TENM4: variants seen among roughly 807,000 people sequenced by gnomAD.
The protein encoded by TENM4 is teneurin transmembrane protein 4.
A neutral mutation model predicts 243.3 loss-of-function variants in TENM4; 82 were observed. That is an observed-to-expected ratio of 0.34 (90% CI 0.28 to 0.40). The LOEUF (loss-of-function observed/expected upper bound fraction) is 0.40. Ranked by LOEUF, TENM4 falls within the 10% of genes least tolerant of loss-of-function variation. The pLI is 1.00. For synonymous variants in TENM4, 1,412 were observed against 1,456.3 expected (o/e 0.97, Z 0.69); for missense variants, 3,138 against 3,673.3 (o/e 0.85, Z 3.77).
At position 79,125,853 on chromosome 11, in the gene TENM4, A is replaced by G. The variant is rs527242059; in HGVS notation, c.-66+22857T>C. ...CTTCTAGACCTATAACTAAAGTCCC[A>G]GCGAGCCCCTAGAGGTGAGGATGAG... On this transcript the variant is annotated intron_variant, in intron 4 of 33. Transcript: ENST00000278550. Among the ~76,000 whole-genome samples, 454 of 152,256 alleles carry G rather than the reference A, an allele frequency of 3.0e-3. 3 individuals are homozygous for G. Among genetic ancestry groups the G allele is most frequent in the Non-Finnish European group, 5.5e-3 (376 of 68,018 alleles).
intron 4 of TENM4, among the ~76,000 whole-genome samples, chr11:79,098,798 A>G (rs1272270826): frequency 1.3e-5 from 2 of 152,160 alleles, no homozygotes; most frequent in African/African-American, 4.8e-5. Flanking sequence ...GAACATCATC[A>G]TCATCATCCC....
chr11:78,665,784 C>A (rs1858142124), intron 32 of TENM4, among the ~76,000 whole-genome samples: 1 of 152,188 alleles, frequency 6.6e-6, no homozygotes, highest in Non-Finnish European at 1.5e-5. Context: ...AGATAGAGTG[C>A]AATGATGTAC....
chr11:79,213,652 C>T (rs1173693538), intron 3 of TENM4, among the ~76,000 whole-genome samples: 5 of 152,096 alleles, frequency 3.3e-5, no homozygotes, highest in African/African-American at 4.8e-5. Context: ...TTGGGCTGGG[C>T]GTTGGGGAAC....
intron 4 of TENM4, among the ~76,000 whole-genome samples, chr11:79,141,946 T>C (rs188606826): frequency 5.9e-5 from 9 of 152,178 alleles, no homozygotes; most frequent in Non-Finnish European, 1.2e-4. Context: ...AATTCTTTTA[T>C]GATAAAAATT....
At chr11:78,808,313 G>C (rs531770676) in intron 14 of TENM4, among the ~76,000 whole-genome samples, 5 of 152,258 alleles carry the variant, frequency 3.3e-5, no homozygotes, top group Admixed American at 2.6e-4. Flanking sequence ...AGACGATCGG[G>C]GTTCAGGAGT....
At chr11:78,691,833 G>A (rs1590942215) in intron 28 of TENM4, among the ~76,000 whole-genome samples, 1 of 152,138 alleles carries the variant, frequency 6.6e-6, no homozygotes, top group African/African-American at 2.4e-5. Flanking sequence ...AAATTTTCTT[G>A]TCTCCTATTC....
At chr11:78,781,684 G>A (rs988786336) in intron 16 of TENM4, among the ~76,000 whole-genome samples, 1 of 152,134 alleles carries the variant, frequency 6.6e-6, no homozygotes, top group African/African-American at 2.4e-5. Context: ...AGGGCAACTC[G>A]AACGGCTGCA....
chr11:79,342,813 T>A (rs1002058695), intron 1 of TENM4, among the ~76,000 whole-genome samples: 1 of 152,226 alleles, frequency 6.6e-6, no homozygotes, highest in African/African-American at 2.4e-5. Context: ...TGGATTCCAG[T>A]TGGGCTCATT....
chr11:78,893,249 T>C (rs1027300431), intron 7 of TENM4, among the ~76,000 whole-genome samples: 1 of 152,204 alleles, frequency 6.6e-6, no homozygotes, highest in Non-Finnish European at 1.5e-5. Flanking sequence ...ACCCTGCTGA[T>C]GGGAGGCCTG....
intron 6 of TENM4, among the ~76,000 whole-genome samples, chr11:79,055,526 G>A (rs564270844): frequency 5.9e-5 from 9 of 152,332 alleles, no homozygotes; most frequent in African/African-American, 2.2e-4. Flanking sequence ...ATGGGCGTGA[G>A]CCACTGTGCC....
intron 6 of TENM4, among the ~76,000 whole-genome samples, chr11:79,061,765 G>A (rs983882348): frequency 1.3e-5 from 2 of 152,180 alleles, no homozygotes; most frequent in African/African-American, 4.8e-5. Context: ...AGATTTTAGA[G>A]TCATGTAGGC....
intron 2 of TENM4, among the ~76,000 whole-genome samples, chr11:79,261,736 C>T (rs1025935240): frequency 1.3e-5 from 2 of 152,078 alleles, no homozygotes; most frequent in Admixed American, 6.5e-5. Flanking sequence ...GAGATGAAAC[C>T]ATTTAAAAAG....
intron 1 of TENM4, among the ~76,000 whole-genome samples, chr11:79,313,957 A>T (rs889900627): frequency 7.2e-5 from 11 of 152,110 alleles, no homozygotes; most frequent in Non-Finnish European, 1.5e-4. Flanking sequence ...TCTCCCATCC[A>T]TCCTCCACTC....
intron 9 of TENM4, among the ~76,000 whole-genome samples, chr11:78,871,402 A>C (rs1274318775): frequency 1.3e-5 from 2 of 152,128 alleles, no homozygotes. Flanking sequence ...AAATGAAGTG[A>C]GGACATATCA....
intron 1 of TENM4, among the ~76,000 whole-genome samples, chr11:79,326,251 T>C (rs1856974037): frequency 6.6e-6 from 1 of 152,176 alleles, no homozygotes; most frequent in South Asian, 2.1e-4. Flanking sequence ...CATAAGTCCC[T>C]AACCCCCTTT....
At chr11:79,401,999 G>A in intron 1 of TENM4, 1 of 389,356 alleles carries the variant, frequency 2.6e-6, no homozygotes, top group Non-Finnish European at 5.8e-6. Context: ...TGCAGGGTGA[G>A]AAGAGAGATG....
intron 6 of TENM4, among the ~76,000 whole-genome samples, chr11:78,970,918 C>T (rs1045206996): frequency 1.2e-4 from 18 of 152,144 alleles, no homozygotes; most frequent in African/African-American, 4.3e-4. Flanking sequence ...CAACGGTTAT[C>T]ACTGTTATGG....
intron 4 of TENM4, among the ~76,000 whole-genome samples, chr11:79,135,033 G>C (rs1230255413): frequency 2.0e-5 from 3 of 151,924 alleles, no homozygotes; most frequent in Non-Finnish European, 2.9e-5. Context: ...ACAGCAAAAG[G>C]AACAGTCAGC....
At chr11:78,969,107 C>G (rs1028088172) in intron 6 of TENM4, among the ~76,000 whole-genome samples, 1 of 152,206 alleles carries the variant, frequency 6.6e-6, no homozygotes, top group Non-Finnish European at 1.5e-5. Flanking sequence ...TCTGCTTGCT[C>G]ACTGTAAAGG....
Sources: gnomAD v4.1 joint callset for allele counts (sites outside exome capture counted in the v4.1 genomes callset) on GRCh38, gnomAD v4.1.1 for gene constraint, MANE v1.5 for transcripts, NCBI Gene and HGNC (gene_info 2026-07-23, HGNC 2026-07-21) for gene names.